PDE4D: variants seen among roughly 807,000 people sequenced by gnomAD.
PDE4D encodes the protein 3',5'-cyclic-AMP phosphodiesterase 4D.
In PDE4D, 24 loss-of-function variants were observed where a neutral mutation model predicts 87.4. The observed-to-expected ratio is 0.27, with a 90% CI of 0.20 to 0.39. PDE4D has a LOEUF of 0.39. Among genes scored for constraint, PDE4D ranks in the 10% least tolerant of loss-of-function variants. The pLI is 1.00. For synonymous variants in PDE4D, 384 were observed against 383.2 expected, an observed-to-expected ratio of 1.00 and a Z score of -0.02; for missense variants, 714 against 1,041.0, an observed-to-expected ratio of 0.69 and a Z score of 4.32.
intron 1 of PDE4D, among the ~76,000 whole-genome samples, chr5:59,472,637 GTCTCTT>G (rs1358685671): frequency 6.6e-6 from 1 of 151,982 alleles, no homozygotes; most frequent in Admixed American, 6.6e-5. Context: ...GGTCATATAA[GTCTCTT>G]TATACTATTC....
chr5:59,285,617 T>C (rs1334374028), intron 1 of PDE4D, among the ~76,000 whole-genome samples: 1 of 152,232 alleles, frequency 6.6e-6, no homozygotes, highest in East Asian at 1.9e-4. Flanking sequence ...GCATCATTGA[T>C]AAGAAGCGAA....
At chr5:59,463,224 T>C (rs547180001) in intron 1 of PDE4D, among the ~76,000 whole-genome samples, 27 of 152,220 alleles carry the variant, frequency 1.8e-4, no homozygotes, top group Non-Finnish European at 2.5e-4. Context: ...TCATATCATA[T>C]TGAAACATGA....
chr5:59,300,578 T>A, intron 1 of PDE4D, among the ~76,000 whole-genome samples: 1 of 152,188 alleles, frequency 6.6e-6, no homozygotes, highest in South Asian at 2.1e-4. Flanking sequence ...CTAGGAGCTA[T>A]AGGGTGTAGA....
At chr5:59,082,950 G>C (rs1473729638) in intron 5 of PDE4D, among the ~76,000 whole-genome samples, 3 of 152,078 alleles carry the variant, frequency 2.0e-5, no homozygotes, top group Non-Finnish European at 4.4e-5. Flanking sequence ...CATCTGGGTT[G>C]GTTCCAATGC....
chr5:59,049,048 C>A (rs893971373), intron 5 of PDE4D, among the ~76,000 whole-genome samples: 1 of 152,174 alleles, frequency 6.6e-6, no homozygotes, highest in Admixed American at 6.5e-5. Flanking sequence ...TTCACATAGG[C>A]CTTTTTCGGC....
At position 58,969,181 on chromosome 5, in the gene PDE4D, A is replaced by G. The variant is rs1742182796; in HGVS notation, c.*5483T>C. 6.6e-6 allele frequency: 1 copy of G among 152,224 alleles called. No individual in the cohort carries two copies. The highest frequency in any genetic ancestry group is 1.5e-5 in the Non-Finnish European group (1 of 68,046). The allele number at this position is 152,224 out of a possible 1,614,324, so 9.4% of individuals were successfully genotyped here. ...AGGCATAGTTTTAAGTGCTAGTGAT[A>G]TATTGGTAAGCAAAGACCTTGCTCT... On this transcript the variant is annotated 3_prime_UTR_variant, in exon 15 of 15. Coordinates refer to ENST00000340635, the MANE Select transcript of PDE4D (RefSeq NM_001104631.2).
rs542367060 is a variant in PDE4D at position 59,312,891 on chromosome 5, A to C, written c.456-96923T>G. Among the ~76,000 whole-genome samples the C allele has an allele frequency of 5.6e-4, 85 of 152,252 alleles. 1 individual carries two copies. The highest frequency in any genetic ancestry group is 9.4e-4 in the Non-Finnish European group (64 of 68,000). ...AAGGACCCTCCTCCAGGTAACTGCC[A>C]CTGATGCAGAAGACCAGGCTACTGG... On this transcript the variant is annotated intron_variant, in intron 1 of 14. Transcript: ENST00000340635.
intron 1 of PDE4D, among the ~76,000 whole-genome samples, chr5:59,494,056 C>T (rs1315674214): frequency 6.6e-6 from 1 of 152,036 alleles, no homozygotes; most frequent in Non-Finnish European, 1.5e-5. Context: ...CCCTAGTAAC[C>T]CCAATTAAAA....
At chr5:59,725,637 G>A (rs1756492442) in intron 1 of PDE4D, among the ~76,000 whole-genome samples, 1 of 152,058 alleles carries the variant, frequency 6.6e-6, no homozygotes, top group Admixed American at 6.6e-5. Flanking sequence ...CTTTGTAAAT[G>A]TTAATAGTAA....
chr5:59,504,222 CTGTT>C (rs1243358984), intron 1 of PDE4D, among the ~76,000 whole-genome samples: 2 of 152,118 alleles, frequency 1.3e-5, no homozygotes, highest in Admixed American at 6.6e-5. Context: ...ATTTGTCATC[CTGTT>C]TATTTAAGAA....
At chr5:59,898,963 C>G (rs986283970) in intron 3 of PDE4D, among the ~76,000 whole-genome samples, 1 of 152,168 alleles carries the variant, frequency 6.6e-6, no homozygotes, top group Non-Finnish European at 1.5e-5. Context: ...AACTGCAGGG[C>G]ACAGATGGAA....
chr5:59,238,004 T>C (rs775922388), intron 1 of PDE4D, among the ~76,000 whole-genome samples: 3 of 152,122 alleles, frequency 2.0e-5, no homozygotes, highest in Non-Finnish European at 4.4e-5. Context: ...TCCTCTCTCA[T>C]CTTCAGTGAG....
intron 1 of PDE4D, among the ~76,000 whole-genome samples, chr5:59,433,403 C>T (rs1467253072): frequency 6.6e-6 from 1 of 152,004 alleles, no homozygotes; most frequent in Admixed American, 6.6e-5. Flanking sequence ...CTGTTAAACT[C>T]CAGCCTGCCA....
At chr5:60,074,479 T>C (rs942886985) in intron 2 of PDE4D, among the ~76,000 whole-genome samples, 11 of 152,156 alleles carry the variant, frequency 7.2e-5, no homozygotes, top group Non-Finnish European at 1.2e-4. Context: ...AGAATACATA[T>C]TCTCTTGTTT....
intron 1 of PDE4D, among the ~76,000 whole-genome samples, chr5:59,741,518 T>C (rs1758835863): frequency 1.3e-5 from 2 of 152,328 alleles, no homozygotes; most frequent in South Asian, 4.1e-4. Context: ...TACAATTTAC[T>C]GAAAAAGAAG....
chr5:60,452,517 A>G (rs890209198), intron 1 of PDE4D, among the ~76,000 whole-genome samples: 6 of 152,114 alleles, frequency 3.9e-5, no homozygotes, highest in Non-Finnish European at 7.4e-5. Context: ...CAACCCAGTG[A>G]AAAGCCCAGG....
chr5:59,342,517 A>T (rs1270405576), intron 1 of PDE4D, among the ~76,000 whole-genome samples: 5 of 152,108 alleles, frequency 3.3e-5, no homozygotes, highest in Non-Finnish European at 7.4e-5. Context: ...TATTTCTCTC[A>T]TATATAAATT....
chr5:59,750,431 C>T (rs1760272323), intron 1 of PDE4D, among the ~76,000 whole-genome samples: 1 of 152,086 alleles, frequency 6.6e-6, no homozygotes, highest in Admixed American at 6.6e-5. Context: ...CTCAAATACG[C>T]CAACCACATT....
intron 6 of PDE4D, among the ~76,000 whole-genome samples, chr5:59,027,415 C>T (rs1756442579): frequency 6.6e-6 from 1 of 152,122 alleles, no homozygotes; most frequent in Non-Finnish European, 1.5e-5. Context: ...ATGCACAGCT[C>T]ACACTTACGG....
Sources: gnomAD v4.1 joint callset for allele counts (sites outside exome capture counted in the v4.1 genomes callset) on GRCh38, gnomAD v4.1.1 for gene constraint, MANE v1.5 for transcripts, NCBI Gene and HGNC (gene_info 2026-07-23, HGNC 2026-07-21) for gene names.